Variants in CHD1L observed in about 807,000 individuals in gnomAD.
CHD1L encodes ATP-dependent chromatin remodeler CHD1L.
In CHD1L, 118 loss-of-function variants were observed where a neutral mutation model predicts 115.9. The observed-to-expected ratio is 1.02, with a 90% confidence interval of 0.88 to 1.19. The LOEUF is 1.19. Ranked by LOEUF, CHD1L falls within the 50% of genes most tolerant of loss-of-function variation. The probability of loss-of-function intolerance (pLI) is 0.00; values close to 1 mark genes in which losing one functional copy is unlikely to be tolerated. For missense variants in CHD1L, 1,179 were observed against 1,065.3 expected (o/e 1.11, Z -1.49); for synonymous variants, 411 against 387.1 (o/e 1.06, Z -0.72).
At chr1:147,176,164 A>C in the CHD1L span, 38 of 152,350 alleles carry the variant, frequency 2.5e-4, no homozygotes, top group Middle Eastern at 0.01. Context: ...TATACACAAG[A>C]GACTACTCAA....
At chr1:147,250,700 G>T (rs74121848) in intron 1 of CHD1L, among the ~76,000 whole-genome samples, 2,415 of 151,994 alleles carry the variant, frequency 0.016, 68 homozygotes, top group African/African-American at 0.056. Flanking sequence ...TTGCTGGTGG[G>T]ACCACAGGTT....
At chr1:147,264,733 G>A in intron 7 of CHD1L, 149 bp downstream of exon 7, 4 of 737,586 alleles carry the variant, frequency 5.4e-6, no homozygotes, top group Non-Finnish European at 8.6e-6. Flanking sequence ...GAGATGTTAA[G>A]TCACACATGT....
At chr1:147,212,378 T>A in the CHD1L span, 4 of 1,613,558 alleles carry the variant, frequency 2.5e-6, no homozygotes, top group East Asian at 6.7e-5. Context: ...TAAATAATAA[T>A]TGAGTGATTC....
intron 14 of CHD1L, among the ~76,000 whole-genome samples, chr1:147,277,372 A>T (rs1329898982): frequency 1.3e-5 from 2 of 152,146 alleles, no homozygotes; most frequent in Non-Finnish European, 2.9e-5. Context: ...TAGTCTGAAA[A>T]AACAGCAGTT....
the CHD1L span, among the ~76,000 whole-genome samples, chr1:147,183,573 T>G: frequency 2.0e-5 from 3 of 152,106 alleles, no homozygotes; most frequent in Non-Finnish European, 4.4e-5. Flanking sequence ...TAAAATGTAA[T>G]TGAGAAGAAC....
chr1:147,262,502 A>G, intron 6 of CHD1L, among the ~76,000 whole-genome samples: 1 of 152,200 alleles, frequency 6.6e-6, no homozygotes, highest in East Asian at 1.9e-4. Flanking sequence ...AGTTACCTGT[A>G]GCGACTAGCA....
the CHD1L span, among the ~76,000 whole-genome samples, chr1:147,234,786 T>C: frequency 6.6e-6 from 1 of 152,096 alleles, no homozygotes; most frequent in African/African-American, 2.4e-5. Flanking sequence ...CATGAAAAAA[T>C]TATGAAAGAT....
the CHD1L span, among the ~76,000 whole-genome samples, chr1:147,194,144 G>A: frequency 6.6e-6 from 1 of 152,120 alleles, no homozygotes; most frequent in Non-Finnish European, 1.5e-5. Context: ...GGGAGTCTAA[G>A]TCTCTTTGTA....
chr1:147,234,789 T>C, the CHD1L span, among the ~76,000 whole-genome samples: 4 of 152,338 alleles, frequency 2.6e-5, no homozygotes, highest in East Asian at 7.7e-4. Flanking sequence ...GAAAAAATTA[T>C]GAAAGATTTT....
chr1:147,197,594 C>T, the CHD1L span, among the ~76,000 whole-genome samples: 10 of 152,144 alleles, frequency 6.6e-5, no homozygotes, highest in South Asian at 2.1e-4. Context: ...TGGTTTTATA[C>T]GGGGCTTTCC....
chr1:147,222,708 C>A, the CHD1L span, among the ~76,000 whole-genome samples: 11 of 152,162 alleles, frequency 7.2e-5, no homozygotes, highest in Non-Finnish European at 1.5e-4. Flanking sequence ...TTCAAGGAAG[C>A]AGTTTACAAA....
At chr1:147,198,505 C>T in the CHD1L span, among the ~76,000 whole-genome samples, 10 of 152,174 alleles carry the variant, frequency 6.6e-5, no homozygotes, top group Non-Finnish European at 1.0e-4. Flanking sequence ...TTAGTGGGTA[C>T]GTCATCCAGT....
chr1:147,245,796 G>A (rs1666420079), intron 1 of CHD1L, among the ~76,000 whole-genome samples: 1 of 151,564 alleles, frequency 6.6e-6, no homozygotes, highest in African/African-American at 2.4e-5. Flanking sequence ...TCCCACCTCA[G>A]CCTTCTGAGT....
the CHD1L span, chr1:147,224,001 A>T: frequency 2.4e-6 from 1 of 421,388 alleles, no homozygotes; most frequent in Admixed American, 2.6e-5. Context: ...GTGGAGAACA[A>T]GAAGACTCAG....
chr1:147,278,213 G>A (rs376670136), intron 14 of CHD1L, among the ~76,000 whole-genome samples: 2 of 92,590 alleles, frequency 2.2e-5, no homozygotes, highest in Non-Finnish European at 4.2e-5. Flanking sequence ...GTTTGTTTTT[G>A]TTTTTTGGGT....
intron 19 of CHD1L, among the ~76,000 whole-genome samples, chr1:147,290,458 T>G (rs1553969392): frequency 2.0e-5 from 3 of 152,150 alleles, no homozygotes; most frequent in Non-Finnish European, 4.4e-5. Flanking sequence ...CAAGGATTAG[T>G]AAGGGTGGCA....
intron 10 of CHD1L, among the ~76,000 whole-genome samples, chr1:147,269,129 G>A (rs1389701710): frequency 5.3e-5 from 8 of 152,046 alleles, no homozygotes; most frequent in Non-Finnish European, 8.8e-5. Flanking sequence ...ATGTGCTGCC[G>A]TAATCTGCTG....
chr1:147,273,434 G>A (rs1298213552), intron 12 of CHD1L, among the ~76,000 whole-genome samples: 1 of 152,038 alleles, frequency 6.6e-6, no homozygotes, highest in East Asian at 1.9e-4. Flanking sequence ...TGATTATAAG[G>A]AGATTATTTC....
intron 13 of CHD1L, among the ~76,000 whole-genome samples, chr1:147,275,760 T>TTATGGGGC (rs1553957205): frequency 1.4e-5 from 2 of 144,286 alleles, no homozygotes; most frequent in Non-Finnish European, 3.0e-5. Flanking sequence ...AAAAATGGGG[T>TTATGGGGC]TATGGGGCTA....
Sources: gnomAD v4.1 joint callset for allele counts (sites outside exome capture counted in the v4.1 genomes callset) on GRCh38, gnomAD v4.1.1 for gene constraint, MANE v1.5 for transcripts, NCBI Gene and HGNC (gene_info 2026-07-23, HGNC 2026-07-21) for gene names.